SIAH3: variants seen among roughly 807,000 people sequenced by gnomAD.
SIAH3 encodes siah E3 ubiquitin protein ligase family member 3.
Under a neutral mutation model 12.6 loss-of-function variants are expected in SIAH3, and 9 were observed. That is an observed-to-expected ratio of 0.72 (90% CI 0.43 to 1.25). The LOEUF (loss-of-function observed/expected upper bound fraction) is 1.25. Among genes scored for constraint, SIAH3 ranks in the 50% most tolerant of loss-of-function variants. SIAH3 has a pLI of 0.00. For synonymous variants in SIAH3, 154 were observed against 151.1 expected, an observed-to-expected ratio of 1.02 and a Z score of -0.14; for missense variants, 390 against 365.4, an observed-to-expected ratio of 1.07 and a Z score of -0.55.
chr13:45,814,550 C>T (rs1190456583), intron 1 of SIAH3, among the ~76,000 whole-genome samples: 1 of 152,086 alleles, frequency 6.6e-6, no homozygotes, highest in Non-Finnish European at 1.5e-5. Context: ...AAAGAGACAG[C>T]ATATGTGAGG....
chr13:45,793,720 C>T (rs566805933), intron 1 of SIAH3, among the ~76,000 whole-genome samples: 1 of 152,334 alleles, frequency 6.6e-6, no homozygotes, highest in South Asian at 2.1e-4. Context: ...CATTGCCTCT[C>T]TGGGCTACAC....
At chr13:45,804,732 GAAGGAAATAA>G (rs1270327516) in intron 1 of SIAH3, among the ~76,000 whole-genome samples, 1 of 152,040 alleles carries the variant, frequency 6.6e-6, no homozygotes, top group Non-Finnish European at 1.5e-5. Context: ...TCAGGCAAGA[GAAGGAAATAA>G]AAGGTATCCA....
chr13:45,828,181 C>T (rs890120656), intron 1 of SIAH3, among the ~76,000 whole-genome samples: 3 of 152,152 alleles, frequency 2.0e-5, no homozygotes, highest in Admixed American at 1.3e-4. Context: ...GCAAAGCATC[C>T]CCCTTTGTCT....
intron 1 of SIAH3, 128 bp from the exon 2 acceptor site, chr13:45,784,185 C>CAACAAACAAACAAACA (rs10578981): frequency 1.4e-6 from 1 of 694,620 alleles, no homozygotes; most frequent in African/African-American, 1.8e-5. Context: ...ATTTCTTAAA[C>CAACAAACAAACAAACA]AACAAACAAA....
intron 1 of SIAH3, among the ~76,000 whole-genome samples, chr13:45,799,707 T>C (rs560430425): frequency 6.6e-6 from 1 of 152,304 alleles, no homozygotes; most frequent in South Asian, 2.1e-4. Context: ...TTCCCGCTCC[T>C]CTCCCTGCAA....
chr13:45,832,311 G>T, intron 1 of SIAH3, among the ~76,000 whole-genome samples: 1 of 152,130 alleles, frequency 6.6e-6, no homozygotes. Flanking sequence ...ACCTTTCCTC[G>T]CTCCAAAGAG....
chr13:45,830,392 C>T (rs1188468726), intron 1 of SIAH3, among the ~76,000 whole-genome samples: 1 of 152,224 alleles, frequency 6.6e-6, no homozygotes, highest in Admixed American at 6.5e-5. Flanking sequence ...AGAGAGAGAC[C>T]TAGAAAGGGA....
In SIAH3 at chr13:45,781,469, TTGGAGGAGGG is replaced by T. The variant is rs1172199723; in HGVS notation, c.*1904_*1913del. ...CAGGTGTTCTTGGGCATCTGTGTGA[TTGGAGGAGGG>T]TGGCTGGTGCCCTGGCAGGGCATCT... On this transcript the variant is annotated 3_prime_UTR_variant, in exon 2 of 2. Coordinates refer to ENST00000400405, the MANE Select transcript of SIAH3 (RefSeq NM_198849.3). The T allele has an allele frequency of 2.0e-5, 3 of 152,248 alleles. No homozygotes were observed. The highest frequency in any genetic ancestry group is 6.5e-5 in the Admixed American group (1 of 15,300). The allele number at this position is 152,248 out of a possible 1,614,324, so 9.4% of individuals were successfully genotyped here.
At chr13:45,835,269 G>C (rs935468947) in intron 1 of SIAH3, among the ~76,000 whole-genome samples, 2 of 152,166 alleles carry the variant, frequency 1.3e-5, no homozygotes. Context: ...AGCATGTAGA[G>C]AACTAGTCTT....
At chr13:45,840,779 C>T (rs1007403763) in intron 1 of SIAH3, among the ~76,000 whole-genome samples, 9 of 152,170 alleles carry the variant, frequency 5.9e-5, no homozygotes, top group African/African-American at 1.9e-4. Context: ...CCAAGCATGT[C>T]GGCTCAGTTG....
intron 1 of SIAH3, among the ~76,000 whole-genome samples, chr13:45,796,029 T>C (rs1950561369): frequency 6.6e-6 from 1 of 152,196 alleles, no homozygotes; most frequent in Non-Finnish European, 1.5e-5. Flanking sequence ...AATTGATCTA[T>C]AGTGACAGAG....
chr13:45,828,345 A>G (rs1168509092), intron 1 of SIAH3, among the ~76,000 whole-genome samples: 2 of 152,140 alleles, frequency 1.3e-5, no homozygotes, highest in Non-Finnish European at 2.9e-5. Flanking sequence ...GGGCATGGTG[A>G]TCTTTATTCT....
At chr13:45,838,492 G>A (rs1950726997) in intron 1 of SIAH3, among the ~76,000 whole-genome samples, 1 of 152,124 alleles carries the variant, frequency 6.6e-6, no homozygotes, top group South Asian at 2.1e-4. Context: ...GCTCGCACAG[G>A]GCACGGGGGT....
intron 1 of SIAH3, among the ~76,000 whole-genome samples, chr13:45,818,419 G>T (rs1238209648): frequency 6.6e-6 from 1 of 152,164 alleles, no homozygotes; most frequent in Non-Finnish European, 1.5e-5. Flanking sequence ...TTTCCCTATG[G>T]CTGCTGTAGC....
intron 1 of SIAH3, among the ~76,000 whole-genome samples, chr13:45,797,142 G>A (rs1330032361): frequency 8.6e-6 from 1 of 116,646 alleles, no homozygotes; most frequent in Non-Finnish European, 1.8e-5. Context: ...TCGTCTCTAT[G>A]CAGGTTTTTT....
At chr13:45,828,122 T>C (rs1436584426) in intron 1 of SIAH3, among the ~76,000 whole-genome samples, 1 of 152,208 alleles carries the variant, frequency 6.6e-6, no homozygotes, top group Non-Finnish European at 1.5e-5. Context: ...ATGAGAATAA[T>C]AATAACTGCT....
intron 1 of SIAH3, among the ~76,000 whole-genome samples, chr13:45,792,871 G>T (rs112092314): frequency 3.2e-4 from 48 of 152,274 alleles, no homozygotes; most frequent in African/African-American, 1.1e-3. Flanking sequence ...TCATCTGCGG[G>T]GTTTTGAGTG....
Position 45,839,984 on chromosome 13 carries a change from G to T in SIAH3, c.135+11511C>A, listed in dbSNP as rs372769206. On this transcript the variant is annotated intron_variant, in intron 1 of 1. Coordinates refer to ENST00000400405, the MANE Select transcript of SIAH3 (RefSeq NM_198849.3). ...GTTAAAAGCAAGAGCTAGACCTGGT[G>T]CCATGGCTGACGCCTGAAATCCCAG... Among the ~76,000 whole-genome samples the T allele has an allele frequency of 6.6e-5, 10 of 152,322 alleles. No individual in the cohort carries two copies. In the East Asian group the frequency reaches 1.7e-3, roughly 27 times the overall value.
rs1454118690 is a variant in SIAH3, at chr13:45,780,940, A to G, written c.*2443T>C. The G allele has an allele frequency of 2.0e-5, 3 of 152,204 alleles. No homozygotes were observed. Among genetic ancestry groups the G allele is most frequent in the Admixed American group, 6.5e-5 (1 of 15,280 alleles). 9.4% of individuals were successfully genotyped at this position (152,204 alleles called of 1,614,324 possible). A position where few individuals can be genotyped will look rare whatever the true frequency, so the allele number is the denominator to read the frequency against. On this transcript the variant is annotated 3_prime_UTR_variant, in exon 2 of 2. Coordinates refer to ENST00000400405, the MANE Select transcript of SIAH3 (RefSeq NM_198849.3). ...CTGCTGGTACCATTTCCTATTCCCA[A>G]TTCTTGGTTGTTAGTTTGCTCCTTC...
Sources: gnomAD v4.1 joint callset for allele counts (sites outside exome capture counted in the v4.1 genomes callset) on GRCh38, gnomAD v4.1.1 for gene constraint, MANE v1.5 for transcripts, NCBI Gene and HGNC (gene_info 2026-07-23, HGNC 2026-07-21) for gene names.